LRPAP1: variants seen among roughly 807,000 people sequenced by gnomAD.
LRPAP1 encodes the protein alpha-2-macroglobulin receptor-associated protein.
Under a neutral mutation model 39.9 loss-of-function variants are expected in LRPAP1, and 41 were observed. The ratio of observed to expected loss-of-function variants is 1.03; its 90% CI spans 0.80 to 1.33. The LOEUF is 1.33. LRPAP1 is among the 40% of genes most tolerant of loss of function. The probability of loss-of-function intolerance (pLI) is 0.00; values close to 1 mark genes in which losing one functional copy is unlikely to be tolerated. For synonymous variants in LRPAP1, 263 were observed against 212.7 expected, an observed-to-expected ratio of 1.24 and a Z score of -2.06; for missense variants, 565 against 482.3, an observed-to-expected ratio of 1.17 and a Z score of -1.61.
Position 3,508,956 on chromosome 4 carries a change from C to G in LRPAP1, c.*4018G>C, listed in dbSNP as rs982332577. On this transcript the variant is annotated 3_prime_UTR_variant, in exon 8 of 8. Coordinates refer to ENST00000650182, the MANE Select transcript of LRPAP1 (RefSeq NM_002337.4). ...CAAAGCCACTGTCAGACAGAGGACA[C>G]GCGTGTGCACACGGAAACCCCACGA... 2 of 152,184 alleles carry G rather than the reference C, an allele frequency of 1.3e-5. No homozygotes were observed. Among genetic ancestry groups the G allele is most frequent in the Non-Finnish European group, 2.9e-5 (2 of 68,050 alleles). The allele number at this position is 152,184 out of a possible 1,614,324, so 9.4% of individuals were successfully genotyped here.
chr4:3,529,043 G>A (rs62272716), intron 1 of LRPAP1, among the ~76,000 whole-genome samples: 18,109 of 152,104 alleles, frequency 0.12, 1,186 homozygotes, highest in Non-Finnish European at 0.14. Context: ...GTCTGCGTGC[G>A]GTGCCTCCTG....
chr4:3,524,718 C>A (rs1344235268), intron 2 of LRPAP1, among the ~76,000 whole-genome samples, 189 bp downstream of exon 2: 1 of 152,250 alleles, frequency 6.6e-6, no homozygotes, highest in African/African-American at 2.4e-5. Context: ...GAGGGTGAGC[C>A]CCCAACACAA....
At chr4:3,521,844 A>C (rs1208587606) in intron 2 of LRPAP1, among the ~76,000 whole-genome samples, 1 of 152,220 alleles carries the variant, frequency 6.6e-6, no homozygotes, top group Non-Finnish European at 1.5e-5. Context: ...TACCTGAAAT[A>C]ACTATTTTAG....
intron 1 of LRPAP1, among the ~76,000 whole-genome samples, chr4:3,526,911 A>G (rs1730095223): frequency 6.6e-6 from 1 of 152,190 alleles, no homozygotes; most frequent in Non-Finnish European, 1.5e-5. Flanking sequence ...CCCACCCTCC[A>G]GGAGTTTAAA....
At position 3,506,152 on chromosome 4, in the gene LRPAP1, T is replaced by TC. The variant is rs941679400; in HGVS notation, c.*6821dup. Among the ~76,000 whole-genome samples the TC allele has an allele frequency of 6.6e-6, 1 of 152,174 alleles. No individual in the cohort carries two copies. The highest frequency in any genetic ancestry group is 2.4e-5 in the African/African-American group (1 of 41,448). On this transcript the variant is annotated 3_prime_UTR_variant, in exon 8 of 8. Transcript: ENST00000650182. ...ATTTTGGCTCACTGCAAACTCTGTC[T>TC]CCCAGCTTCAAGTGATTCTCGTGCC...
At chr4:3,531,206 G>A (rs547906930) in intron 1 of LRPAP1, among the ~76,000 whole-genome samples, 2 of 152,160 alleles carry the variant, frequency 1.3e-5, no homozygotes, top group East Asian at 3.9e-4. Flanking sequence ...GTTCAGGAAG[G>A]GCCTGTGGAG....
Position 3,514,465 on chromosome 4 carries a change from G to C in LRPAP1, c.1011+287C>G, listed in dbSNP as rs535689301. On this transcript the variant is annotated intron_variant, in intron 7 of 7. Transcript: ENST00000650182. ...CTCATGGGCTGGCTGTGGGTATCCA[G>C]GTCACGCCCCATCCTGGTCACAGGA... 2.2e-4 allele frequency among the ~76,000 whole-genome samples: 34 copies of C among 152,314 alleles called. 1 individual carries two copies. In the South Asian group the frequency reaches 2.7e-3, roughly 12 times the overall value.
chr4:3,520,826 G>A (rs1198637611), intron 2 of LRPAP1, among the ~76,000 whole-genome samples: 1 of 152,198 alleles, frequency 6.6e-6, no homozygotes, highest in East Asian at 1.9e-4. Flanking sequence ...CCAGCCACTC[G>A]GGGAGCCCTC....
intron 6 of LRPAP1, among the ~76,000 whole-genome samples, 189 bp from the exon 7 acceptor site, chr4:3,515,117 G>A (rs1729653849): frequency 1.3e-5 from 2 of 152,176 alleles, no homozygotes; most frequent in East Asian, 1.9e-4. Flanking sequence ...CCCAGCCCGC[G>A]CCTCCTTGGC....
Position 3,528,256 on chromosome 4 carries a change from G to C in LRPAP1, c.205-3205C>G, listed in dbSNP as rs138782372. On this transcript the variant is annotated intron_variant, in intron 1 of 7. Transcript: ENST00000650182. ...CAGCGAGGCAAATCATCAACAACCAGGGTATACATGCAGGCAAGAAAGCCG... is the reference window on the plus strand; with the variant it reads ...CAGCGAGGCAAATCATCAACAACCACGGTATACATGCAGGCAAGAAAGCCG... Among the ~76,000 whole-genome samples, 465 of 152,320 alleles carry C rather than the reference G, an allele frequency of 3.1e-3. 4 individuals are homozygous for C. Among genetic ancestry groups the C allele is most frequent in the African/African-American group, 0.01 (434 of 41,568 alleles).
chr4:3,523,989 A>AG (rs35743948), intron 2 of LRPAP1, among the ~76,000 whole-genome samples: 2 of 148,890 alleles, frequency 1.3e-5, no homozygotes, highest in Non-Finnish European at 3.0e-5. Flanking sequence ...GGATTGGGGA[A>AG]GGGGTGCCTG....
rs1268666992 is a variant in LRPAP1 at position 3,516,176 on chromosome 4, A to T, written c.774T>A (p.Ile258=). ...TEAEFEEPRV[I]DLWDLAQSAN... is the part of the protein sequence containing the mutation. ...CGGACTGCGCCAGGTCCCACAGGTC[A>T]ATCACCCTGGGCTCCTCGAACTCTG... The change falls in exon 6 of 8, where the codon ATT becomes ATA. Residue 258 remains isoleucine (I), a synonymous_variant. Coordinates refer to ENST00000650182, the MANE Select transcript of LRPAP1 (RefSeq NM_002337.4). The T allele has an allele frequency of 6.3e-7, 1 of 1,579,842 alleles. No individual in the cohort carries two copies. Among genetic ancestry groups the T allele is most frequent in the East Asian group, 2.3e-5 (1 of 43,614 alleles).
At position 3,528,126 on chromosome 4, in the gene LRPAP1, C is replaced by G. The variant is rs142633593; in HGVS notation, c.205-3075G>C. 2.2e-4 allele frequency among the ~76,000 whole-genome samples: 34 copies of G among 152,350 alleles called. No individual in the cohort carries two copies. In the East Asian group the frequency reaches 6.4e-3, roughly 29 times the overall value. On this transcript the variant is annotated intron_variant, in intron 1 of 7. Coordinates refer to ENST00000650182, the MANE Select transcript of LRPAP1 (RefSeq NM_002337.4). ...CAGCAGGTCACGTGCAGACCCCAGA[C>G]CCCACGTCTGGATTCTTTCACCTCT... is the stretch of plus-strand genomic sequence containing the variant.
chr4:3,513,564 C>T (rs1233344325), intron 7 of LRPAP1, among the ~76,000 whole-genome samples: 1 of 152,202 alleles, frequency 6.6e-6, no homozygotes, highest in East Asian at 1.9e-4. Flanking sequence ...CCACCTCAGC[C>T]TCCCAAAGTG....
chr4:3,525,319 C>T (rs17202256), intron 1 of LRPAP1, among the ~76,000 whole-genome samples: 2,499 of 152,302 alleles, frequency 0.016, 68 homozygotes, highest in Admixed American at 0.083. Flanking sequence ...CATTCCTGTC[C>T]GGCTGTAACA....
In LRPAP1 at chr4:3,517,121, C is replaced by CAG. The variant is rs58722247; in HGVS notation, c.751+911_751+912dup. Among the ~76,000 whole-genome samples the CAG allele has an allele frequency of 8.1e-3, 1,228 of 151,762 alleles. 19 individuals are homozygous for CAG. Among genetic ancestry groups the CAG allele is most frequent in the African/African-American group, 0.028 (1,159 of 41,398 alleles). On this transcript the variant is annotated intron_variant, in intron 5 of 7. Transcript: ENST00000650182. ...ACTACGGCCAAAAGCCTACGGCTGACAGTCACCAGCACCAGGTCAGGCTAA... is the reference window on the plus strand; with the variant it reads ...ACTACGGCCAAAAGCCTACGGCTGACAGAGTCACCAGCACCAGGTCAGGCTAA...
intron 1 of LRPAP1, among the ~76,000 whole-genome samples, chr4:3,528,600 C>A (rs757330131): frequency 2.4e-4 from 37 of 152,244 alleles, no homozygotes; most frequent in Admixed American, 7.2e-4. Flanking sequence ...AGGGCATGTG[C>A]CATCCTCCCA....
At chr4:3,514,965 C>T (rs776313163) in intron 6 of LRPAP1, 37 bp from the exon 7 acceptor site, 19 of 1,600,732 alleles carry the variant, frequency 1.2e-5, no homozygotes, top group Middle Eastern at 1.7e-4. Flanking sequence ...GTTCCCTTCC[C>T]GTGCTCGCCA....
At position 3,514,801 on chromosome 4, in the gene LRPAP1, C is replaced by T. The variant is rs140947105; in HGVS notation, c.962G>A (p.Arg321His). Residue 321 changes from arginine (R) to histidine (H), a missense_variant, in exon 7 of 8, where the codon CGC becomes CAC. Transcript: ENST00000650182. Reference sequence around the variant, plus strand: ...CCCCTCCAGCAGGGCGTGCTTCTCGCGGCTGCGGCTCACACGCTCGCCGTC... The same window carrying T: ...CCCCTCCAGCAGGGCGTGCTTCTCGTGGCTGCGGCTCACACGCTCGCCGTC... Reference protein sequence around the residue: ...VGDGERVSRSREKHALLEGRT... With the variant: ...VGDGERVSRSHEKHALLEGRT... The T allele has an allele frequency of 9.1e-5, 147 of 1,613,060 alleles. No homozygotes were observed. The East Asian group carries it at 2.2e-3, about 24-fold the overall frequency.
Sources: gnomAD v4.1 joint callset for allele counts (sites outside exome capture counted in the v4.1 genomes callset) on GRCh38, gnomAD v4.1.1 for gene constraint, MANE v1.5 for transcripts, NCBI Gene and HGNC (gene_info 2026-07-23, HGNC 2026-07-21) for gene names.